The following WWOX variants were observed in gnomAD, a reference collection of about 807,000 sequenced individuals.
WWOX encodes the protein WW domain-containing oxidoreductase.
WWOX carries 69 observed loss-of-function variants against 46.2 expected under a neutral mutation model. The observed-to-expected ratio is 1.49, with a 90% CI of 1.23 to 1.82. WWOX has a LOEUF of 1.82. Among genes scored for constraint, WWOX ranks in the 40% most tolerant of loss-of-function variants. WWOX has a pLI of 0.00. For synonymous variants in WWOX, 359 were observed against 202.6 expected, an observed-to-expected ratio of 1.77 and a Z score of -6.56; for missense variants, 919 against 542.6, an observed-to-expected ratio of 1.69 and a Z score of -6.89.
At chr16:78,706,058 G>GTTTTTTTTTTT in intron 8 of WWOX, among the ~76,000 whole-genome samples, 1 of 106,428 alleles carries the variant, frequency 9.4e-6, no homozygotes, top group Non-Finnish European at 1.8e-5. Context: ...GTTATGGCAG[G>GTTTTTTTTTTT]TTTTTTTTTT....
intron 8 of WWOX, among the ~76,000 whole-genome samples, chr16:78,571,695 C>T (rs920068768): frequency 3.9e-5 from 6 of 152,142 alleles, no homozygotes; most frequent in East Asian, 1.9e-4. Flanking sequence ...ATGGTGAAAC[C>T]CCTTCTCTAC....
intron 8 of WWOX, among the ~76,000 whole-genome samples, chr16:78,863,299 G>C (rs1039532822): frequency 1.3e-5 from 2 of 152,110 alleles, no homozygotes; most frequent in African/African-American, 4.8e-5. Flanking sequence ...GCAGACACTC[G>C]CAGTACATTC....
intron 8 of WWOX, among the ~76,000 whole-genome samples, chr16:78,545,465 G>A (rs1249632896): frequency 6.6e-6 from 1 of 152,160 alleles, no homozygotes; most frequent in Non-Finnish European, 1.5e-5. Flanking sequence ...AGCTTCTCCT[G>A]TCTTAGTCTC....
chr16:78,959,920 G>A (rs2046241390), intron 8 of WWOX, among the ~76,000 whole-genome samples: 2 of 152,310 alleles, frequency 1.3e-5, no homozygotes, highest in South Asian at 4.1e-4. Context: ...GTTTCTAGAT[G>A]ACCTAAGTAA....
chr16:78,224,781 G>A (rs977818674), intron 5 of WWOX, among the ~76,000 whole-genome samples: 5 of 152,160 alleles, frequency 3.3e-5, no homozygotes, highest in Admixed American at 6.5e-5. Context: ...AATAAGTAAC[G>A]TTTTTCTAAA....
intron 5 of WWOX, among the ~76,000 whole-genome samples, chr16:78,291,710 T>TA (rs1267900648): frequency 1.3e-5 from 2 of 151,688 alleles, no homozygotes; most frequent in African/African-American, 4.9e-5. Context: ...ACAACGGCTG[T>TA]AAAAAATAAA....
intron 8 of WWOX, among the ~76,000 whole-genome samples, chr16:78,874,527 G>C (rs2044194852): frequency 6.6e-6 from 1 of 151,972 alleles, no homozygotes; most frequent in Non-Finnish European, 1.5e-5. Context: ...TGCAGCGCCT[G>C]GTATACAGGA....
At chr16:78,157,257 G>A (rs1254093514) in intron 4 of WWOX, among the ~76,000 whole-genome samples, 1 of 152,128 alleles carries the variant, frequency 6.6e-6, no homozygotes, top group South Asian at 2.1e-4. Context: ...ATGGCTGTTG[G>A]CATCTCATTA....
chr16:78,876,252 T>A (rs1597093988), intron 8 of WWOX, among the ~76,000 whole-genome samples: 1 of 152,246 alleles, frequency 6.6e-6, no homozygotes, highest in Admixed American at 6.5e-5. Flanking sequence ...TAAAAGCAGT[T>A]CTAAAACTTC....
chr16:78,498,485 C>A (rs1249729465), intron 8 of WWOX, among the ~76,000 whole-genome samples: 9 of 152,124 alleles, frequency 5.9e-5, no homozygotes, highest in African/African-American at 2.2e-4. Context: ...ACTCTACCCA[C>A]TGAGAAGCAC....
intron 8 of WWOX, among the ~76,000 whole-genome samples, chr16:79,181,761 C>T (rs2050916536): frequency 6.6e-6 from 1 of 152,074 alleles, no homozygotes; most frequent in Non-Finnish European, 1.5e-5. Flanking sequence ...GGTCGGAGGT[C>T]ACAAATGGAG....
intron 8 of WWOX, among the ~76,000 whole-genome samples, chr16:78,464,231 G>A (rs1180638030): frequency 2.0e-5 from 3 of 151,972 alleles, no homozygotes; most frequent in Admixed American, 2.0e-4. Context: ...AGGATGGAAG[G>A]AAGAGAGGGA....
chr16:78,379,664 G>T (rs1056009627), intron 5 of WWOX, among the ~76,000 whole-genome samples: 7 of 152,210 alleles, frequency 4.6e-5, no homozygotes, highest in Non-Finnish European at 7.3e-5. Flanking sequence ...CAACATGTGG[G>T]CAGCAGACCA....
intron 8 of WWOX, among the ~76,000 whole-genome samples, chr16:79,066,700 G>T (rs767766553): frequency 6.6e-6 from 1 of 152,214 alleles, no homozygotes; most frequent in Non-Finnish European, 1.5e-5. Flanking sequence ...CTCAGGCTCT[G>T]TGCCATGAGA....
chr16:78,729,241 C>G (rs1376713501), intron 8 of WWOX, among the ~76,000 whole-genome samples: 1 of 151,688 alleles, frequency 6.6e-6, no homozygotes, highest in African/African-American at 2.4e-5. Flanking sequence ...ATTTGGGAGG[C>G]TGAGGTGGGA....
intron 4 of WWOX, among the ~76,000 whole-genome samples, chr16:78,120,885 C>G (rs927195425): frequency 1.3e-5 from 2 of 152,188 alleles, no homozygotes; most frequent in African/African-American, 4.8e-5. Flanking sequence ...CAATTATGGA[C>G]TACGCCAGCT....
intron 8 of WWOX, among the ~76,000 whole-genome samples, chr16:78,613,103 CT>C (rs950277693): frequency 2.7e-4 from 41 of 152,212 alleles, no homozygotes; most frequent in African/African-American, 9.6e-4. Flanking sequence ...CCCTCAGCTT[CT>C]CTTGCATGGG....
rs563435192 is a variant in WWOX, at chr16:78,372,516, A to C, written c.517-14344A>C. On this transcript the variant is annotated intron_variant, in intron 5 of 8. Transcript: ENST00000566780. ...GAGGTAAAGAACCTTGTAGTAAGAG[A>C]GCATTCTTTATCCAGGTCTGAAATC... Among the ~76,000 whole-genome samples the C allele has an allele frequency of 1.1e-4, 17 of 152,274 alleles. No individual in the cohort carries two copies. In the South Asian group the frequency reaches 3.5e-3, roughly 32 times the overall value.
chr16:78,151,657 C>T (rs1239330397), intron 4 of WWOX, among the ~76,000 whole-genome samples: 1 of 152,154 alleles, frequency 6.6e-6, no homozygotes, highest in African/African-American at 2.4e-5. Flanking sequence ...TATTAAAATT[C>T]ATAAAGGCCC....
Sources: gnomAD v4.1 joint callset for allele counts (sites outside exome capture counted in the v4.1 genomes callset) on GRCh38, gnomAD v4.1.1 for gene constraint, MANE v1.5 for transcripts, NCBI Gene and HGNC (gene_info 2026-07-23, HGNC 2026-07-21) for gene names.